Variants in GTF2IRD2B observed in about 807,000 individuals in gnomAD.
The protein encoded by GTF2IRD2B is general transcription factor II-I repeat domain-containing protein 2B.
Under a neutral mutation model 55.6 loss-of-function variants are expected in GTF2IRD2B, and 10 were observed. That is an observed-to-expected ratio of 0.18 (90% CI 0.11 to 0.31). GTF2IRD2B has a LOEUF of 0.31. Among genes scored for constraint, GTF2IRD2B ranks in the 10% least tolerant of loss-of-function variants. GTF2IRD2B has a pLI of 1.00. For synonymous variants in GTF2IRD2B, 107 were observed against 320.5 expected, an observed-to-expected ratio of 0.33 and a Z score of 7.12; for missense variants, 206 against 802.7, an observed-to-expected ratio of 0.26 and a Z score of 8.98.
chr7:75,121,922 G>A (rs587707565), intron 4 of GTF2IRD2B, among the ~76,000 whole-genome samples: 2 of 134,586 alleles, frequency 1.5e-5, no homozygotes, highest in East Asian at 2.1e-4. Context: ...CACCGTGCCC[G>A]GCTAACTTTT....
At chr7:75,114,919 C>T (rs2655964) in intron 3 of GTF2IRD2B, among the ~76,000 whole-genome samples, 319 of 127,538 alleles carry the variant, frequency 2.5e-3, no homozygotes, top group African/African-American at 3.5e-3. Context: ...GCCTCAGCCT[C>T]CCAAATAGCT....
At chr7:75,101,366 T>C (rs1337159505) in intron 1 of GTF2IRD2B, among the ~76,000 whole-genome samples, 2 of 151,178 alleles carry the variant, frequency 1.3e-5, no homozygotes, top group African/African-American at 2.4e-5. Context: ...GCCCAGGAGT[T>C]TGAGACCAGC....
chr7:75,118,074 C>CAAAA (rs57631816), intron 3 of GTF2IRD2B, among the ~76,000 whole-genome samples: 3 of 103,818 alleles, frequency 2.9e-5, no homozygotes, highest in Non-Finnish European at 6.1e-5. Flanking sequence ...CAGAGCAAGA[C>CAAAA]AAAAAAAAAA....
At chr7:75,124,297 T>C (rs1482764171) in intron 6 of GTF2IRD2B, among the ~76,000 whole-genome samples, 70 of 152,392 alleles carry the variant, frequency 4.6e-4, no homozygotes, top group African/African-American at 1.4e-3. Flanking sequence ...GAACCCGAGA[T>C]GTAGAGTTTG....
chr7:75,121,522 A>T (rs1393919270), intron 4 of GTF2IRD2B, among the ~76,000 whole-genome samples: 4 of 147,890 alleles, frequency 2.7e-5, no homozygotes, highest in Admixed American at 1.3e-4. Flanking sequence ...GCATTGGCAC[A>T]ATCTCAGCTC....
chr7:75,142,114 GAACA>G (rs1390585431), intron 13 of GTF2IRD2B, among the ~76,000 whole-genome samples: 2 of 152,280 alleles, frequency 1.3e-5, no homozygotes, highest in Non-Finnish European at 2.9e-5. Context: ...GAAACGTAAG[GAACA>G]AACTCAGCTA....
chr7:75,137,118 G>A (rs1554534458), intron 11 of GTF2IRD2B, among the ~76,000 whole-genome samples: 9 of 151,130 alleles, frequency 6.0e-5, no homozygotes, highest in East Asian at 1.9e-4. Flanking sequence ...CAGGAGGATC[G>A]CTTGAACCTG....
intron 3 of GTF2IRD2B, 108 bp from the exon 4 acceptor site, chr7:75,120,783 A>G: frequency 6.4e-7 from 1 of 1,552,876 alleles, no homozygotes; most frequent in Non-Finnish European, 8.7e-7. Context: ...ATCTTGTTTT[A>G]TATTTATTCA....
At chr7:75,135,955 A>G (rs1251804775) in intron 10 of GTF2IRD2B, among the ~76,000 whole-genome samples, 1 of 44,678 alleles carries the variant, frequency 2.2e-5, no homozygotes, top group African/African-American at 1.5e-4. Context: ...AGCCCGGCCA[A>G]CATGGTGATA....
rs1809261202 is a variant in GTF2IRD2B, at chr7:75,149,378, T to G, written c.*81T>G. On this transcript the variant is annotated 3_prime_UTR_variant, in exon 16 of 16. Coordinates refer to ENST00000472837, the MANE Select transcript of GTF2IRD2B (RefSeq NM_001003795.3). ...CCCAAGGGATTGGGAGATGACAAAA[T>G]GAATTTTTTTTTTCTTTTTTGAGAT... 1.3e-6 allele frequency: 1 copy of G among 775,496 alleles called. No homozygotes were observed. Among genetic ancestry groups the G allele is most frequent in the African/African-American group, 1.7e-5 (1 of 58,508 alleles). 48.0% of individuals were successfully genotyped at this position (775,496 alleles called of 1,614,324 possible). A position where few individuals can be genotyped will look rare whatever the true frequency, so the allele number is the denominator to read the frequency against.
chr7:75,114,401 T>C (rs1261501975), intron 3 of GTF2IRD2B, among the ~76,000 whole-genome samples: 1 of 151,374 alleles, frequency 6.6e-6, no homozygotes, highest in Non-Finnish European at 1.5e-5. Flanking sequence ...ATGAAACTGT[T>C]CTGAAATTGG....
Position 75,148,135 on chromosome 7 carries a change from T to C in GTF2IRD2B, c.1688T>C (p.Leu563Ser), listed in dbSNP as rs1554454510. The change falls in exon 16 of 16, where the codon TTG becomes TCG. Residue 563 changes from leucine (L) to serine (S), a missense_variant. Leu to Ser is a moderately radical substitution (Grantham distance 145). Transcript: ENST00000472837. The stretch of plus-strand genomic sequence containing the variant: ...ACGGATATAAATAATACCACCCAGT[T>C]GGCCATATTCATCCGTGGTGTCGAT... ...EITDINNTTQ[L>S]AIFIRGVDEN... The C allele has an allele frequency of 6.2e-7, 1 of 1,613,126 alleles. No homozygotes were observed. The highest frequency in any genetic ancestry group is 1.7e-5 in the Admixed American group (1 of 59,904).
At position 75,099,751 on chromosome 7, in the gene GTF2IRD2B, A is replaced by AATAT. The variant is rs1293493002; in HGVS notation, c.-6+6989_-6+6990insTATA. 2.4e-4 allele frequency among the ~76,000 whole-genome samples: 34 copies of AATAT among 139,358 alleles called. 2 individuals are homozygous for AATAT. The highest frequency in any genetic ancestry group is 2.1e-3 in the Admixed American group (30 of 14,232). 91.4% of individuals were successfully genotyped at this position (139,358 alleles called of 152,430 possible). On this transcript the variant is annotated intron_variant, in intron 1 of 15. Transcript: ENST00000472837. ...GACTCCGTCTCAAAATAAATAAATA[A>AATAT]ATAAATAAATAAATAAATAAATAAA...
At chr7:75,092,835 C>A in intron 1 of GTF2IRD2B, 70 bp downstream of exon 1, 1 of 153,244 alleles carries the variant, frequency 6.5e-6, no homozygotes, top group Non-Finnish European at 1.5e-5. Flanking sequence ...TTCGGAACGT[C>A]CTCCTCCTGA....
chr7:75,148,876 A>C lies in GTF2IRD2B; in HGVS notation c.2429A>C (p.Lys810Thr). The C allele has an allele frequency of 6.2e-7, 1 of 1,606,180 alleles. No individual in the cohort carries two copies. Among genetic ancestry groups the C allele is most frequent in the South Asian group, 1.1e-5 (1 of 90,904 alleles). Residue 810 changes from lysine (K) to threonine (T), a missense_variant, in exon 16 of 16, where the codon AAA (lysine) becomes ACA (threonine). Coordinates refer to ENST00000472837, the MANE Select transcript of GTF2IRD2B (RefSeq NM_001003795.3). ...AATCTGGCCCACTTTCCCACCCTGA[A>C]ATTGGTTTCCAGAAATGAAAGCGAT... is the stretch of plus-strand genomic sequence containing the variant. ...RNNLAHFPTLKLVSRNESDGL... is the reference protein window; with the variant it reads ...RNNLAHFPTLTLVSRNESDGL...
intron 3 of GTF2IRD2B, among the ~76,000 whole-genome samples, chr7:75,116,604 G>C (rs1343737877): frequency 1.4e-5 from 2 of 141,600 alleles, no homozygotes; most frequent in South Asian, 2.3e-4. Context: ...AAACTGTGTT[G>C]AACAGAAGTG....
At chr7:75,124,140 G>A (rs1366038571) in intron 6 of GTF2IRD2B, among the ~76,000 whole-genome samples, 1 of 151,880 alleles carries the variant, frequency 6.6e-6, no homozygotes, top group Non-Finnish European at 1.5e-5. Flanking sequence ...GGCAGAGGTG[G>A]GCAGATCACT....
intron 1 of GTF2IRD2B, among the ~76,000 whole-genome samples, chr7:75,102,062 G>C (rs1382202487): frequency 6.6e-6 from 1 of 151,302 alleles, no homozygotes; most frequent in Non-Finnish European, 1.5e-5. Context: ...GAGTGCAGTG[G>C]TGGGATCTCG....
intron 1 of GTF2IRD2B, among the ~76,000 whole-genome samples, chr7:75,101,838 G>A (rs1403843503): frequency 8.7e-6 from 1 of 114,978 alleles, no homozygotes; most frequent in Non-Finnish European, 1.7e-5. Flanking sequence ...AGGTTGCAGT[G>A]AACTGTGATT....
Sources: gnomAD v4.1 joint callset for allele counts (sites outside exome capture counted in the v4.1 genomes callset) on GRCh38, gnomAD v4.1.1 for gene constraint, MANE v1.5 for transcripts, NCBI Gene and HGNC (gene_info 2026-07-23, HGNC 2026-07-21) for gene names.